PCF11: variants seen among roughly 807,000 people sequenced by gnomAD.
PCF11 encodes PCF11 cleavage and polyadenylation factor subunit.
A neutral mutation model predicts 166.1 loss-of-function variants in PCF11; 19 were observed. The observed-to-expected ratio is 0.11, with a 90% CI of 0.08 to 0.17. The LOEUF (loss-of-function observed/expected upper bound fraction) is 0.17. PCF11 is among the 10% of genes least tolerant of loss of function. The pLI is 1.00. For missense variants in PCF11, 1,565 were observed against 1,855.5 expected, an observed-to-expected ratio of 0.84 and a Z score of 2.88; for synonymous variants, 663 against 644.1, an observed-to-expected ratio of 1.03 and a Z score of -0.44.
chr11:83,169,151 G>C (rs1187008662), exon 8 of PCF11: 2 of 1,613,370 alleles, frequency 1.2e-6, no homozygotes, highest in East Asian at 4.5e-5. Flanking sequence ...CAGCCAGGAG[G>C]TGGAATCAGA....
At chr11:83,161,413 T>C (rs372575660) in exon 2 of PCF11, 3 of 1,601,816 alleles carry the variant, frequency 1.9e-6, no homozygotes, top group African/African-American at 2.7e-5. Context: ...CTGCCTTTAC[T>C]AAAAATCTAG....
exon 9 of PCF11, chr11:83,171,839 C>A: frequency 6.3e-7 from 1 of 1,595,952 alleles, no homozygotes; most frequent in Non-Finnish European, 8.6e-7. Context: ...TGTTGCTCAG[C>A]CAGTAGCTTT....
intron 9 of PCF11, among the ~76,000 whole-genome samples, chr11:83,176,742 C>T (rs1394575189): frequency 2.0e-5 from 3 of 151,642 alleles, no homozygotes; most frequent in African/African-American, 4.9e-5. Context: ...ATGTAAATGA[C>T]GAGTTGATTG....
chr11:83,166,504 C>A, exon 5 of PCF11: 1 of 1,613,814 alleles, frequency 6.2e-7, no homozygotes, highest in Non-Finnish European at 8.5e-7. Context: ...GAGTTTACAC[C>A]ACCTTCTAGG....
At chr11:83,175,236 G>A (rs1429811062) in intron 9 of PCF11, among the ~76,000 whole-genome samples, 3 of 152,102 alleles carry the variant, frequency 2.0e-5, no homozygotes, top group Non-Finnish European at 4.4e-5. Flanking sequence ...AGTTTCAAAC[G>A]ATTCTCATGC....
chr11:83,164,841 T>G (rs1160070959), intron 4 of PCF11, among the ~76,000 whole-genome samples: 1 of 152,180 alleles, frequency 6.6e-6, no homozygotes, highest in African/African-American at 2.4e-5. Context: ...CTAGCTTGAG[T>G]GACAGATCAA....
chr11:83,182,459 C>A, exon 14 of PCF11: 1 of 1,568,268 alleles, frequency 6.4e-7, no homozygotes, highest in Non-Finnish European at 8.8e-7. Flanking sequence ...GGAGGAATGG[C>A]ATTTGAAAAA....
chr11:83,182,349 G>T, intron 13 of PCF11, 50 bp from the exon 14 acceptor site: 1 of 947,914 alleles, frequency 1.1e-6, no homozygotes, highest in Non-Finnish European at 1.7e-6. Context: ...ACTTAATGGG[G>T]TTAAATATGG....
At chr11:83,166,444 C>A (rs757918164) in exon 5 of PCF11, 2 of 1,613,942 alleles carry the variant, frequency 1.2e-6, no homozygotes, top group East Asian at 2.2e-5. Context: ...ACATCGACAC[C>A]TAAAGCTGGA....
At chr11:83,177,364 T>C (rs1308260230) in intron 10 of PCF11, among the ~76,000 whole-genome samples, 160 bp downstream of exon 10, 2 of 152,250 alleles carry the variant, frequency 1.3e-5, no homozygotes, top group Non-Finnish European at 2.9e-5. Context: ...GAAATTCTTT[T>C]AGATTTCCTA....
In PCF11 at chr11:83,161,307, C is replaced by T. The variant is rs765226142; in HGVS notation, c.193-20C>T. Reference sequence around the variant, plus strand: ...GGTGGTAATTCATTATACTAAACTTCTCAGTTTCTTTTTATTCAGGCTCCT... The same window carrying T: ...GGTGGTAATTCATTATACTAAACTTTTCAGTTTCTTTTTATTCAGGCTCCT... On this transcript the variant is annotated intron_variant, in intron 1 of 15. Transcript: ENST00000298281. The T allele has an allele frequency of 1.3e-6, 2 of 1,577,026 alleles. No homozygotes were observed. The highest frequency in any genetic ancestry group is 3.8e-5 in the Admixed American group (2 of 52,432).
At chr11:83,160,916 A>T (rs764050701) in intron 1 of PCF11, among the ~76,000 whole-genome samples, 26 of 152,262 alleles carry the variant, frequency 1.7e-4, no homozygotes, top group Non-Finnish European at 3.5e-4. Context: ...ATTAGTTTCT[A>T]CAAGAGGTCT....
rs372988466 is a variant in PCF11, at chr11:83,166,498, T to G, written c.1601T>G (p.Phe534Cys). ...GCTAAGCAGTCACATATGGAAGAGT[T>G]TACACCACCTTCTAGGGAAGACAGA... The change falls in exon 5 of 16, where the codon TTT becomes TGT. Residue 534 changes from phenylalanine (F) to cysteine (C), a missense_variant. By Grantham distance (205) the Phe-to-Cys change is radical. Transcript: ENST00000298281. 4 of 1,613,682 alleles carry G rather than the reference T, an allele frequency of 2.5e-6. No individual in the cohort carries two copies. The African/African-American group carries it at 4.0e-5, about 16-fold the overall frequency.
chr11:83,169,756 A>G (rs1266048361), exon 8 of PCF11: 4 of 1,613,962 alleles, frequency 2.5e-6, no homozygotes, highest in Non-Finnish European at 2.5e-6. Context: ...TCCACCTGGC[A>G]ATGCTTTTAA....
At chr11:83,158,001 G>A in intron 1 of PCF11, 1 of 180,096 alleles carries the variant, frequency 5.6e-6, no homozygotes, top group South Asian at 1.2e-4. Flanking sequence ...TGGGAAGTGG[G>A]AGAGTGGGTC....
At chr11:83,177,740 C>T (rs1461465443) in exon 11 of PCF11, 1 of 1,540,886 alleles carries the variant, frequency 6.5e-7, no homozygotes, top group Non-Finnish European at 8.8e-7. Context: ...TGCTCAGCCT[C>T]CCCCTGAAGA....
At chr11:83,186,968 G>C (rs978098051) in exon 16 of PCF11, 2 of 152,300 alleles carry the variant, frequency 1.3e-5, no homozygotes, top group Non-Finnish European at 2.9e-5. Flanking sequence ...GGTCAAGGAT[G>C]GGGGAACAAA....
rs1445541138 is a variant in PCF11, at chr11:83,167,987, C to T, written c.2093-441C>T. Reference sequence around the variant, plus strand: ...GCTAAGTGGGGATGGATTTTTGTGACTGTTCAGATTACCATTTTTTTTCCC... The same window carrying T: ...GCTAAGTGGGGATGGATTTTTGTGATTGTTCAGATTACCATTTTTTTTCCC... On this transcript the variant is annotated intron_variant, in intron 7 of 15. Transcript: ENST00000298281. The surrounding 1 kb of genome is among the most constrained non-coding windows in gnomAD (Gnocchi z 4.2). The T allele has an allele frequency of 2.0e-6, 2 of 1,012,080 alleles. No individual in the cohort carries two copies. The highest frequency in any genetic ancestry group is 2.6e-6 in the Non-Finnish European group (2 of 776,240). The allele number at this position is 1,012,080 out of a possible 1,614,324, so 62.7% of individuals were successfully genotyped here.
At chr11:83,181,788 T>C in intron 12 of PCF11, 66 bp from the exon 13 acceptor site, 1 of 1,139,434 alleles carries the variant, frequency 8.8e-7, no homozygotes, top group Non-Finnish European at 1.2e-6. Flanking sequence ...TGGCATTATA[T>C]TGAAGATACA....
Sources: allele counts gnomAD v4.1 joint callset (sites outside exome capture counted in the v4.1 genomes callset), GRCh38; gene constraint gnomAD v4.1.1; non-coding constraint Gnocchi (gnomAD v3.1); transcripts MANE v1.5; gene names NCBI Gene and HGNC (gene_info 2026-07-23, HGNC 2026-07-21).